Variants in GRM8 observed in about 807,000 individuals in gnomAD.
GRM8 encodes the protein metabotropic glutamate receptor 8.
Under a neutral mutation model 87.2 loss-of-function variants are expected in GRM8, and 47 were observed. The observed-to-expected ratio is 0.54, with a 90% CI of 0.43 to 0.69. The LOEUF (loss-of-function observed/expected upper bound fraction) is 0.69. Ranked by LOEUF, GRM8 falls within the 30% of genes least tolerant of loss-of-function variation. The pLI, the probability that GRM8 is intolerant of heterozygous loss-of-function variation, is 0.00. For synonymous variants in GRM8, 396 were observed against 404.5 expected (o/e 0.98, Z 0.25); for missense variants, 1,019 against 1,139.2 (o/e 0.89, Z 1.52).
At chr7:126,512,062 G>T (rs1298576719) in intron 9 of GRM8, 3 of 151,986 alleles carry the variant, frequency 2.0e-5, no homozygotes, top group African/African-American at 7.2e-5. Context: ...GGCATTTTCT[G>T]CTTATAGATT....
At chr7:126,726,411 C>G (rs1812981444) in intron 7 of GRM8, among the ~76,000 whole-genome samples, 2 of 152,080 alleles carry the variant, frequency 1.3e-5, no homozygotes, top group South Asian at 4.1e-4. Context: ...GATCCAGACT[C>G]CTAAGGGGTG....
intron 2 of GRM8, among the ~76,000 whole-genome samples, chr7:127,194,619 A>G (rs1795188929): frequency 6.6e-6 from 1 of 152,208 alleles, no homozygotes; most frequent in Non-Finnish European, 1.5e-5. Context: ...AAATGGCCCC[A>G]TTCCAACAAA....
chr7:126,705,024 G>T (rs752473119), intron 7 of GRM8, among the ~76,000 whole-genome samples: 3 of 152,060 alleles, frequency 2.0e-5, no homozygotes, highest in Non-Finnish European at 4.4e-5. Context: ...AGCTTGAGGG[G>T]CATCACGGAA....
At chr7:126,476,830 T>G (rs1040579182) in intron 9 of GRM8, among the ~76,000 whole-genome samples, 6 of 150,906 alleles carry the variant, frequency 4.0e-5, no homozygotes, top group African/African-American at 1.5e-4. Flanking sequence ...TGAAAAACAT[T>G]ATGAAGATTC....
intron 7 of GRM8, among the ~76,000 whole-genome samples, chr7:126,675,425 G>T (rs986863004): frequency 1.3e-5 from 2 of 152,062 alleles, no homozygotes; most frequent in African/African-American, 4.8e-5. Flanking sequence ...AGCCAGGAAA[G>T]GAAATAACAG....
chr7:126,496,635 C>T (rs1158520743), intron 9 of GRM8, among the ~76,000 whole-genome samples: 1 of 151,908 alleles, frequency 6.6e-6, no homozygotes, highest in Admixed American at 6.6e-5. Flanking sequence ...AATTTGTCAA[C>T]CTCTCCCTTT....
intron 7 of GRM8, among the ~76,000 whole-genome samples, chr7:126,756,228 T>C (rs1816995892): frequency 6.6e-6 from 1 of 151,988 alleles, no homozygotes; most frequent in Non-Finnish European, 1.5e-5. Flanking sequence ...TAAATAAATC[T>C]AGGCACAGAC....
intron 6 of GRM8, among the ~76,000 whole-genome samples, chr7:126,894,549 C>T (rs764704247): frequency 5.9e-5 from 9 of 151,876 alleles, no homozygotes; most frequent in Non-Finnish European, 8.8e-5. Flanking sequence ...TTTACGTACT[C>T]GAAATTTTAA....
chr7:126,870,999 C>A (rs1799048943), intron 6 of GRM8, among the ~76,000 whole-genome samples: 1 of 152,148 alleles, frequency 6.6e-6, no homozygotes, highest in Non-Finnish European at 1.5e-5. Context: ...TCTTGGCCTT[C>A]TGTATGTAAA....
chr7:127,010,932 AG>A (rs1225978501), intron 3 of GRM8, among the ~76,000 whole-genome samples: 2 of 152,248 alleles, frequency 1.3e-5, no homozygotes, highest in South Asian at 2.1e-4. Context: ...AAAAGGAGGG[AG>A]AAGAGGAAGA....
At chr7:127,037,316 C>A (rs1032433211) in intron 3 of GRM8, among the ~76,000 whole-genome samples, 6 of 152,134 alleles carry the variant, frequency 3.9e-5, no homozygotes, top group Non-Finnish European at 8.8e-5. Flanking sequence ...ATACACAAGG[C>A]TTCTGGTATC....
intron 2 of GRM8, among the ~76,000 whole-genome samples, chr7:127,174,194 T>C (rs1793967569): frequency 6.6e-6 from 1 of 152,198 alleles, no homozygotes; most frequent in Admixed American, 6.5e-5. Context: ...GTCCATTTGT[T>C]TCCCTCTTTC....
At chr7:126,670,663 A>T (rs182380841) in intron 7 of GRM8, among the ~76,000 whole-genome samples, 218 of 152,362 alleles carry the variant, frequency 1.4e-3, no homozygotes, top group African/African-American at 4.9e-3. Context: ...ACATTGGAAT[A>T]AAGGAAAAAG....
chr7:126,722,411 C>T (rs1460423160), intron 7 of GRM8, among the ~76,000 whole-genome samples: 2 of 152,166 alleles, frequency 1.3e-5, no homozygotes, highest in African/African-American at 2.4e-5. Context: ...AGTACCACAG[C>T]TCTCATCATC....
chr7:126,616,944 G>A (rs1211371811), intron 7 of GRM8, among the ~76,000 whole-genome samples: 1 of 152,110 alleles, frequency 6.6e-6, no homozygotes, highest in African/African-American at 2.4e-5. Flanking sequence ...TTCTACCAGA[G>A]GTACAATGAG....
At chr7:126,954,889 T>A (rs1389118516) in intron 3 of GRM8, among the ~76,000 whole-genome samples, 1 of 152,206 alleles carries the variant, frequency 6.6e-6, no homozygotes, top group African/African-American at 2.4e-5. Context: ...AAAGACAGTA[T>A]CTTTGCTAAG....
chr7:126,669,989 T>C (rs1272372565), intron 7 of GRM8, among the ~76,000 whole-genome samples: 1 of 152,178 alleles, frequency 6.6e-6, no homozygotes, highest in Non-Finnish European at 1.5e-5. Flanking sequence ...AAGGGTATTA[T>C]ATGGTTTTTC....
At chr7:126,917,720 T>G (rs529984941) in intron 3 of GRM8, among the ~76,000 whole-genome samples, 7 of 152,326 alleles carry the variant, frequency 4.6e-5, no homozygotes, top group Admixed American at 1.3e-4. Context: ...CCTTGGTCAT[T>G]AGGTTGCCTC....
intron 8 of GRM8, among the ~76,000 whole-genome samples, chr7:126,603,744 T>C (rs1798062538): frequency 1.3e-5 from 2 of 152,066 alleles, no homozygotes; most frequent in Admixed American, 1.3e-4. Context: ...TATATGTATG[T>C]ATGTATGTGT....
Sources: allele counts gnomAD v4.1 joint callset (sites outside exome capture counted in the v4.1 genomes callset), GRCh38; gene constraint gnomAD v4.1.1; transcripts MANE v1.5; gene names NCBI Gene and HGNC (gene_info 2026-07-23, HGNC 2026-07-21).